SYNDIG1: variants seen among roughly 807,000 people sequenced by gnomAD.
SYNDIG1 encodes the protein synapse differentiation inducing 1, also known as synapse differentiation-inducing gene protein 1.
SYNDIG1 carries 9 observed loss-of-function variants against 19.4 expected under a neutral mutation model. The ratio of observed to expected loss-of-function variants is 0.46; its 90% CI spans 0.28 to 0.81. The LOEUF (loss-of-function observed/expected upper bound fraction) is 0.81, where lower values mean the gene tolerates loss of function less well. Ranked by LOEUF, SYNDIG1 falls within the 30% of genes least tolerant of loss-of-function variation. SYNDIG1 has a pLI of 0.12. For synonymous variants in SYNDIG1, 141 were observed against 145.9 expected (o/e 0.97, Z 0.24); for missense variants, 311 against 343.3 (o/e 0.91, Z 0.74).
Position 24,533,878 on chromosome 20 carries a change from C to T in SYNDIG1, c.-78-9142C>T, listed in dbSNP as rs11907442. On this transcript the variant is annotated intron_variant, in intron 1 of 3. Transcript: ENST00000376862. ...CCCTGTGTTAGTCCATTTTGCATGG[C>T]TATAAAGGTATTCACCTAAGCCTGG... 6.2e-3 allele frequency among the ~76,000 whole-genome samples: 946 copies of T among 152,264 alleles called. 12 individuals carry two copies. The highest frequency in any genetic ancestry group is 0.022 in the African/African-American group (912 of 41,536).
chr20:24,474,699 A>T (rs928210404), intron 1 of SYNDIG1, among the ~76,000 whole-genome samples: 1 of 152,206 alleles, frequency 6.6e-6, no homozygotes, highest in Non-Finnish European at 1.5e-5. Context: ...ACTTGCGTGG[A>T]TTTCAAACTG....
At chr20:24,486,601 A>T (rs939531322) in intron 1 of SYNDIG1, among the ~76,000 whole-genome samples, 2 of 151,676 alleles carry the variant, frequency 1.3e-5, no homozygotes, top group East Asian at 3.9e-4. Flanking sequence ...GGGTCGCTGG[A>T]ACCTGAGAGT....
At chr20:24,527,928 A>G (rs1231339478) in intron 1 of SYNDIG1, among the ~76,000 whole-genome samples, 1 of 152,192 alleles carries the variant, frequency 6.6e-6, no homozygotes, top group African/African-American at 2.4e-5. Context: ...AAAGAATCTT[A>G]GCTTAGAATA....
intron 1 of SYNDIG1, among the ~76,000 whole-genome samples, 181 bp downstream of exon 1, chr20:24,469,934 G>A (rs908421876): frequency 9.2e-5 from 14 of 151,972 alleles, no homozygotes; most frequent in Middle Eastern, 3.4e-3. Context: ...CGGTAAGTCC[G>A]GGTGGTCGCC....
At chr20:24,617,114 A>G (rs1194616674) in intron 3 of SYNDIG1, among the ~76,000 whole-genome samples, 1 of 151,880 alleles carries the variant, frequency 6.6e-6, no homozygotes, top group Admixed American at 6.6e-5. Context: ...CAGAAAATTT[A>G]CCCGGTGTGA....
intron 3 of SYNDIG1, among the ~76,000 whole-genome samples, chr20:24,595,763 A>G (rs2058585217): frequency 6.6e-6 from 1 of 152,128 alleles, no homozygotes; most frequent in South Asian, 2.1e-4. Context: ...TCTAGGTGTT[A>G]TAGATGGTGT....
chr20:24,663,818 C>T (rs1444855572), intron 3 of SYNDIG1, among the ~76,000 whole-genome samples: 4 of 152,088 alleles, frequency 2.6e-5, no homozygotes, highest in Admixed American at 6.6e-5. Flanking sequence ...GTGATCATGG[C>T]GGGGACACAA....
chr20:24,559,393 A>T (rs537542064), intron 2 of SYNDIG1, among the ~76,000 whole-genome samples: 2 of 152,360 alleles, frequency 1.3e-5, no homozygotes, highest in African/African-American at 4.8e-5. Flanking sequence ...TGACCTGACC[A>T]CTATGCAATT....
chr20:24,598,285 C>A (rs1041440522), intron 3 of SYNDIG1, among the ~76,000 whole-genome samples: 1 of 152,214 alleles, frequency 6.6e-6, no homozygotes, highest in Non-Finnish European at 1.5e-5. Flanking sequence ...CCCACAGCAG[C>A]TCCATGAAAT....
chr20:24,537,671 G>T (rs1278062546), intron 1 of SYNDIG1, among the ~76,000 whole-genome samples: 3 of 152,162 alleles, frequency 2.0e-5, no homozygotes, highest in African/African-American at 7.2e-5. Flanking sequence ...ACTGCTGGTG[G>T]GTTCATCGGG....
At chr20:24,514,583 A>C (rs1048559736) in intron 1 of SYNDIG1, among the ~76,000 whole-genome samples, 1 of 152,222 alleles carries the variant, frequency 6.6e-6, no homozygotes, top group Non-Finnish European at 1.5e-5. Flanking sequence ...AACTATCTTA[A>C]ATATATATGC....
chr20:24,481,861 GATAA>G (rs1482139930), intron 1 of SYNDIG1, among the ~76,000 whole-genome samples: 1 of 151,956 alleles, frequency 6.6e-6, no homozygotes, highest in African/African-American at 2.4e-5. Context: ...AAAAAGCATT[GATAA>G]ATAAATATTC....
chr20:24,610,028 A>G lies in SYNDIG1; in HGVS notation c.618+25035A>G, dbSNP rs530994403. 2.0e-5 allele frequency among the ~76,000 whole-genome samples: 3 copies of G among 152,328 alleles called. No individual in the cohort carries two copies. In the South Asian group the frequency reaches 6.2e-4, roughly 32 times the overall value. ...CCTTTTTGGTCAAAAGGAAAAGTAC[A>G]GGAGCTTCCAGGCCATCCTGGAAAG... On this transcript the variant is annotated intron_variant, in intron 3 of 3. Transcript: ENST00000376862.
chr20:24,635,393 C>A (rs1384869298), intron 3 of SYNDIG1, among the ~76,000 whole-genome samples: 1 of 152,228 alleles, frequency 6.6e-6, no homozygotes, highest in Non-Finnish European at 1.5e-5. Context: ...CCTTTCCGAA[C>A]GCGCTCTTCA....
intron 1 of SYNDIG1, among the ~76,000 whole-genome samples, chr20:24,517,776 TACAC>T (rs1007751034): frequency 6.9e-6 from 1 of 145,594 alleles, no homozygotes; most frequent in East Asian, 2.0e-4. Context: ...TATATATACA[TACAC>T]ACATTTTTTT....
chr20:24,568,842 G>T (rs1298134637), intron 2 of SYNDIG1, among the ~76,000 whole-genome samples: 2 of 152,192 alleles, frequency 1.3e-5, no homozygotes, highest in African/African-American at 4.8e-5. Context: ...CTGCATAAAT[G>T]TGTTCACCTG....
chr20:24,538,457 C>CTT (rs140534103), intron 1 of SYNDIG1, among the ~76,000 whole-genome samples: 84,151 of 151,946 alleles, frequency 0.55, 23,813 homozygotes, highest in Middle Eastern at 0.69. Context: ...TAAGACTGAG[C>CTT]AATACTCCAT....
At chr20:24,492,665 C>T (rs1334911019) in intron 1 of SYNDIG1, among the ~76,000 whole-genome samples, 1 of 152,174 alleles carries the variant, frequency 6.6e-6, no homozygotes, top group Non-Finnish European at 1.5e-5. Context: ...CCTCCTTCCC[C>T]CGCTACATTG....
At chr20:24,609,371 G>T (rs887176262) in intron 3 of SYNDIG1, among the ~76,000 whole-genome samples, 1 of 152,136 alleles carries the variant, frequency 6.6e-6, no homozygotes, top group Non-Finnish European at 1.5e-5. Flanking sequence ...CCTTTTAGAC[G>T]GGGCACTCTT....
Sources: allele counts gnomAD v4.1 joint callset (sites outside exome capture counted in the v4.1 genomes callset), GRCh38; gene constraint gnomAD v4.1.1; transcripts MANE v1.5; gene names NCBI Gene and HGNC (gene_info 2026-07-23, HGNC 2026-07-21).